The following ECSIT variants were observed in gnomAD, a reference collection of about 807,000 sequenced individuals.
The protein encoded by ECSIT is evolutionarily conserved signaling intermediate in Toll pathway, mitochondrial.
ECSIT carries 29 observed loss-of-function variants against 36.8 expected under a neutral mutation model. The observed-to-expected ratio is 0.79, with a 90% CI of 0.59 to 1.08. The LOEUF is 1.08. Ranked by LOEUF, ECSIT falls within the 50% of genes least tolerant of loss-of-function variation. ECSIT has a pLI of 0.00. For synonymous variants in ECSIT, 231 were observed against 234.8 expected, an observed-to-expected ratio of 0.98 and a Z score of 0.15; for missense variants, 542 against 581.0, an observed-to-expected ratio of 0.93 and a Z score of 0.69.
At chr19:11,523,580 CT>C in intron 1 of ECSIT, 1 of 997,364 alleles carries the variant, frequency 1.0e-6, no homozygotes. Flanking sequence ...CCAAGCCCAT[CT>C]TTGTGTGCTT....
chr19:11,519,332 G>A lies in ECSIT; in HGVS notation c.-23-139C>T. The stretch of plus-strand genomic sequence containing the variant: ...AATGTTTACCTTACCCAAGAAACAG[G>A]CTGATGACTCAAAGACTTTGTTCTT... On this transcript the variant is annotated intron_variant, in intron 1 of 7. Transcript: ENST00000270517. The surrounding 1 kb of genome is among the most constrained non-coding windows in gnomAD (Gnocchi z 4.4). 1.4e-6 allele frequency: 1 copy of A among 690,194 alleles called. No individual in the cohort carries two copies. Among genetic ancestry groups the A allele is most frequent in the Admixed American group, 2.1e-5 (1 of 47,616 alleles). The allele number at this position is 690,194 out of a possible 1,614,324, so 42.8% of individuals were successfully genotyped here.
chr19:11,520,898 C>T (rs1021773998), intron 1 of ECSIT, among the ~76,000 whole-genome samples: 6 of 151,696 alleles, frequency 4.0e-5, no homozygotes, highest in East Asian at 1.9e-4. Context: ...CTCTGCCTCC[C>T]GGGTTCAAGT....
chr19:11,516,550 G>A (rs58333508), intron 2 of ECSIT, among the ~76,000 whole-genome samples: 17,275 of 151,898 alleles, frequency 0.11, 2,500 homozygotes, highest in African/African-American at 0.34. Flanking sequence ...CTACTCAGGA[G>A]GCTGAAGCAG....
At chr19:11,509,534 G>A (rs1447299890) in intron 4 of ECSIT, among the ~76,000 whole-genome samples, 4 of 151,514 alleles carry the variant, frequency 2.6e-5, no homozygotes, top group Admixed American at 2.6e-4. Flanking sequence ...TTGGGAGGCC[G>A]AGGGTGGTGG....
At chr19:11,517,237 G>C (rs376656885) in intron 2 of ECSIT, among the ~76,000 whole-genome samples, 1 of 151,670 alleles carries the variant, frequency 6.6e-6, no homozygotes, top group South Asian at 2.1e-4. Flanking sequence ...CCTACTCTGC[G>C]GTCCCCACAG....
At chr19:11,522,863 G>A (rs892581668) in intron 1 of ECSIT, among the ~76,000 whole-genome samples, 2 of 152,138 alleles carry the variant, frequency 1.3e-5, no homozygotes, top group Non-Finnish European at 2.9e-5. Flanking sequence ...GAGGTCAGGA[G>A]ATCGAGACCA....
At position 11,524,193 on chromosome 19, in the gene ECSIT, T is replaced by A. The variant is rs553185966; in HGVS notation, c.-24+4869A>T. 5.3e-5 allele frequency among the ~76,000 whole-genome samples: 8 copies of A among 151,856 alleles called. No individual in the cohort carries two copies. In the East Asian group the frequency reaches 1.4e-3, roughly 26 times the overall value. ...CCTCGGCCTCCCAAAGTGCTGGAAT[T>A]ACAGAGGTGAGCCACTGCACCTGGC... On this transcript the variant is annotated intron_variant, in intron 1 of 7. Coordinates refer to ENST00000270517, the MANE Select transcript of ECSIT (RefSeq NM_016581.5).
chr19:11,523,317 T>C, intron 1 of ECSIT: 1 of 262,194 alleles, frequency 3.8e-6, no homozygotes, highest in Non-Finnish European at 7.0e-6. Flanking sequence ...GATTATAGTA[T>C]TATATATATA....
intron 2 of ECSIT, among the ~76,000 whole-genome samples, chr19:11,517,165 T>C (rs1972015353): frequency 6.6e-6 from 1 of 152,030 alleles, no homozygotes; most frequent in South Asian, 2.1e-4. Context: ...TGAAGTGGGA[T>C]GCACAGTGTT....
rs985122585 is a variant in ECSIT at position 11,519,429 on chromosome 19, A to G, written c.-23-236T>C. ...AATGCAGCCTCCAACTTCTGGGCCC[A>G]AGTGATCCTCCAGCCCCAGAGCGTC... is the stretch of plus-strand genomic sequence containing the variant. On this transcript the variant is annotated intron_variant, in intron 1 of 7. Coordinates refer to ENST00000270517, the MANE Select transcript of ECSIT (RefSeq NM_016581.5). This position sits in a 1 kb window ranked among gnomAD's most constrained non-coding sequence, Gnocchi z 4.4. Among the ~76,000 whole-genome samples the G allele has an allele frequency of 6.6e-6, 1 of 152,138 alleles. No individual in the cohort carries two copies.
intron 1 of ECSIT, among the ~76,000 whole-genome samples, chr19:11,520,319 A>C (rs897775294): frequency 6.6e-6 from 1 of 151,604 alleles, no homozygotes; most frequent in African/African-American, 2.4e-5. Flanking sequence ...TTACAGGTAC[A>C]TGCCACCACG....
intron 4 of ECSIT, among the ~76,000 whole-genome samples, chr19:11,508,440 T>C (rs1368381357): frequency 1.3e-5 from 2 of 150,256 alleles, no homozygotes; most frequent in Non-Finnish European, 2.9e-5. Context: ...TGCTGGAGAA[T>C]GGTGGCATGA....
rs555294484 is a variant in ECSIT, at chr19:11,519,603, A to C, written c.-23-410T>G. ...CATCTCTGTCTCCAAAAGTGCTGGGATCATGGGTGTGAGCCAGCACTCCTA... is the reference window on the plus strand; with the variant it reads ...CATCTCTGTCTCCAAAAGTGCTGGGCTCATGGGTGTGAGCCAGCACTCCTA... On this transcript the variant is annotated intron_variant, in intron 1 of 7. Coordinates refer to ENST00000270517, the MANE Select transcript of ECSIT (RefSeq NM_016581.5). The surrounding 1 kb of genome is among the most constrained non-coding windows in gnomAD (Gnocchi z 4.4). Among the ~76,000 whole-genome samples the C allele has an allele frequency of 2.0e-5, 3 of 152,170 alleles. No individual in the cohort carries two copies. In the South Asian group the frequency reaches 6.2e-4, roughly 32 times the overall value.
At chr19:11,528,212 A>G (rs1015809865) in intron 1 of ECSIT, among the ~76,000 whole-genome samples, 13 of 152,224 alleles carry the variant, frequency 8.5e-5, no homozygotes, top group African/African-American at 2.6e-4. Context: ...GTCTTCTTTG[A>G]CCATCTCCCA....
chr19:11,518,469 A>G (rs10406077), intron 2 of ECSIT, among the ~76,000 whole-genome samples: 35,537 of 151,922 alleles, frequency 0.23, 9,037 homozygotes, highest in African/African-American at 0.64. Context: ...CAAATCAGTG[A>G]TCCCAGCTAC....
chr19:11,518,981 C>T (rs2144990477), intron 2 of ECSIT, 94 bp downstream of exon 2: 2 of 1,084,482 alleles, frequency 1.8e-6, no homozygotes, highest in East Asian at 2.6e-5. Context: ...CCAGACTCAC[C>T]AGAACTGGCT....
At chr19:11,512,949 G>A (rs1412487332) in intron 4 of ECSIT, 107 bp downstream of exon 4, 2 of 1,178,018 alleles carry the variant, frequency 1.7e-6, no homozygotes, top group East Asian at 2.4e-5. Context: ...TCTCAAAAAA[G>A]AACTTGATTC....
intron 1 of ECSIT, chr19:11,523,682 A>G: frequency 1.4e-6 from 1 of 728,632 alleles, no homozygotes; most frequent in South Asian, 1.4e-5. Context: ...GATGACAACA[A>G]GAAACTAGGG....
rs1324055032 is a variant in ECSIT at position 11,506,068 on chromosome 19, G to A, written c.*116C>T. 6 of 1,483,022 alleles carry A rather than the reference G, an allele frequency of 4.0e-6. No individual in the cohort carries two copies. Among genetic ancestry groups the A allele is most frequent in the African/African-American group, 1.4e-5 (1 of 72,176 alleles). The allele number at this position is 1,483,022 out of a possible 1,614,324, so 91.9% of individuals were successfully genotyped here. ...GAGGGGATGCCATACTGCTAGAGAT[G>A]AGGGAAGAGAGCCCCAAGCAGGAAA... On this transcript the variant is annotated 3_prime_UTR_variant, in exon 8 of 8. Coordinates refer to ENST00000270517, the MANE Select transcript of ECSIT (RefSeq NM_016581.5).
Sources: gnomAD v4.1 joint callset for allele counts (sites outside exome capture counted in the v4.1 genomes callset) on GRCh38, gnomAD v4.1.1 for gene constraint, Gnocchi (gnomAD v3.1) non-coding constraint, MANE v1.5 for transcripts, NCBI Gene and HGNC (gene_info 2026-07-23, HGNC 2026-07-21) for gene names.